AKAP6: variants seen among roughly 807,000 people sequenced by gnomAD.
AKAP6 encodes A-kinase anchor protein 6.
AKAP6 carries 58 observed loss-of-function variants against 188.5 expected under a neutral mutation model. That is an observed-to-expected ratio of 0.31 (90% CI 0.25 to 0.38). The LOEUF (loss-of-function observed/expected upper bound fraction) is 0.38, where lower values mean the gene tolerates loss of function less well. AKAP6 is among the 10% of genes least tolerant of loss of function. AKAP6 has a pLI of 1.00. For missense variants in AKAP6, 2,710 were observed against 2,740.0 expected (o/e 0.99, Z 0.24); for synonymous variants, 989 against 998.6 (o/e 0.99, Z 0.18).
intron 2 of AKAP6, among the ~76,000 whole-genome samples, chr14:32,472,494 T>C (rs1488365786): frequency 6.6e-6 from 1 of 152,194 alleles, no homozygotes; most frequent in East Asian, 1.9e-4. Context: ...TCATGGTCTT[T>C]AGCCACAGAA....
rs1432703781 is a variant in AKAP6 at position 32,545,263 on chromosome 14, T to G, written c.610T>G (p.Ser204Ala). ...RLDSLTEVDD[S>A]GQLTIKCSQN... ...TGATTCTCTAACAGAAGTGGATGAC[T>G]CAGGACAATTAACCATCAAATGTTC... The change falls in exon 4 of 14, where the codon TCA becomes GCA. Residue 204 changes from serine (S) to alanine (A), a missense_variant. Ser to Ala is a moderately conservative substitution (Grantham distance 99, BLOSUM62 1). Transcript: ENST00000280979. The G allele has an allele frequency of 6.2e-7, 1 of 1,614,102 alleles. No homozygotes were observed. The highest frequency in any genetic ancestry group is 2.2e-5 in the East Asian group (1 of 44,890).
intron 1 of AKAP6, among the ~76,000 whole-genome samples, chr14:32,332,567 T>A (rs1054257667): frequency 6.6e-6 from 1 of 152,154 alleles, no homozygotes; most frequent in Non-Finnish European, 1.5e-5. Context: ...ATGATGGAGT[T>A]GCACTCAAAG....
chr14:32,517,209 A>G (rs1416642564), intron 2 of AKAP6, among the ~76,000 whole-genome samples: 1 of 152,232 alleles, frequency 6.6e-6, no homozygotes, highest in Non-Finnish European at 1.5e-5. Flanking sequence ...TCCTTTATGA[A>G]TTTTACCTGT....
chr14:32,351,277 C>T (rs556948025), intron 1 of AKAP6, among the ~76,000 whole-genome samples: 1 of 152,146 alleles, frequency 6.6e-6, no homozygotes, highest in African/African-American at 2.4e-5. Context: ...AAAATTATTA[C>T]CTGGGCCAGG....
At chr14:32,606,500 T>C (rs1956220) in intron 7 of AKAP6, among the ~76,000 whole-genome samples, 47,055 of 152,100 alleles carry the variant, frequency 0.31, 8,745 homozygotes, top group East Asian at 0.73. Context: ...CCCTATGACT[T>C]ATCCAACCTT....
rs1566546770 is a variant in AKAP6, at chr14:32,510,445, T to TAC, written c.325-25108_325-25107insCA. Among the ~76,000 whole-genome samples, 16 of 22,686 alleles carry TAC rather than the reference T, an allele frequency of 7.1e-4. 1 individual carries two copies. The highest frequency in any genetic ancestry group is 3.2e-3 in the African/African-American group (16 of 4,962). The allele number at this position is 22,686 out of a possible 152,430, so 14.9% of individuals were successfully genotyped here. ...ATATACATATATATATGTGTATATA[T>TAC]ATATACATATATATGTGTATATATA... On this transcript the variant is annotated intron_variant, in intron 2 of 13. Transcript: ENST00000280979.
chr14:32,790,789 C>A (rs1218364945), intron 12 of AKAP6, among the ~76,000 whole-genome samples: 4 of 152,010 alleles, frequency 2.6e-5, no homozygotes, highest in African/African-American at 9.7e-5. Context: ...CCCTGGCAGA[C>A]CCCGATATGT....
chr14:32,488,401 A>G (rs564906710), intron 2 of AKAP6, among the ~76,000 whole-genome samples: 9 of 152,290 alleles, frequency 5.9e-5, no homozygotes, highest in African/African-American at 2.2e-4. Context: ...AGCATTGTCC[A>G]GGTGGATTTC....
At chr14:32,548,458 A>G (rs939951463) in intron 4 of AKAP6, among the ~76,000 whole-genome samples, 1 of 151,734 alleles carries the variant, frequency 6.6e-6, no homozygotes, top group Admixed American at 6.6e-5. Context: ...GAAGCAGGCC[A>G]TGCCAGATTA....
intron 4 of AKAP6, among the ~76,000 whole-genome samples, chr14:32,567,521 A>G (rs920432603): frequency 6.6e-6 from 1 of 152,184 alleles, no homozygotes; most frequent in African/African-American, 2.4e-5. Flanking sequence ...AACTCTTCAC[A>G]TGGAATTCCA....
At chr14:32,510,451 C>CATATATGTATATATATATACAT (rs1881181652) in intron 2 of AKAP6, among the ~76,000 whole-genome samples, 1 of 35,796 alleles carries the variant, frequency 2.8e-5, no homozygotes, top group African/African-American at 1.1e-4. Context: ...TATATATATA[C>CATATATGTATATATATATACAT]ATATATATGT....
rs567601265 is a variant in AKAP6, at chr14:32,422,124, T to A, written c.-34-11336T>A. 7.9e-5 allele frequency among the ~76,000 whole-genome samples: 12 copies of A among 152,284 alleles called. No individual in the cohort carries two copies. The East Asian group carries it at 2.3e-3, about 29-fold the overall frequency. ...GTTCTAGCTGATTTTTAAACATTTT[T>A]AAAAATCAAGATTAATCTTCTTAAC... is the stretch of plus-strand genomic sequence containing the variant. On this transcript the variant is annotated intron_variant, in intron 1 of 13. Transcript: ENST00000280979.
chr14:32,575,248 G>A (rs1420879689), intron 4 of AKAP6, among the ~76,000 whole-genome samples: 2 of 152,086 alleles, frequency 1.3e-5, no homozygotes, highest in East Asian at 1.9e-4. Context: ...GATAGGAGAA[G>A]GGGCAAAATG....
At chr14:32,621,599 C>A (rs547524638) in intron 7 of AKAP6, among the ~76,000 whole-genome samples, 8 of 152,092 alleles carry the variant, frequency 5.3e-5, no homozygotes, top group African/African-American at 1.9e-4. Context: ...ATCATATGGT[C>A]TATCTTGGAG....
At chr14:32,528,145 C>T (rs1411700440) in intron 2 of AKAP6, among the ~76,000 whole-genome samples, 3 of 152,106 alleles carry the variant, frequency 2.0e-5, no homozygotes, top group African/African-American at 7.2e-5. Flanking sequence ...AGGTCTATGT[C>T]TAGGATTATC....
chr14:32,532,797 A>G (rs548447017), intron 2 of AKAP6, among the ~76,000 whole-genome samples: 1 of 152,246 alleles, frequency 6.6e-6, no homozygotes, highest in South Asian at 2.1e-4. Flanking sequence ...GGGAGTGGAG[A>G]CTACTGCCAA....
chr14:32,343,746 C>CAAAAAAAA (rs56376110), intron 1 of AKAP6, among the ~76,000 whole-genome samples: 12 of 37,266 alleles, frequency 3.2e-4, no homozygotes, highest in South Asian at 1.7e-3. Flanking sequence ...GATTCCGTCT[C>CAAAAAAAA]AAAAAAAAAA....
intron 1 of AKAP6, among the ~76,000 whole-genome samples, chr14:32,368,839 G>A (rs1887916665): frequency 6.7e-6 from 1 of 150,096 alleles, no homozygotes; most frequent in Admixed American, 6.6e-5. Context: ...AATAATCCCT[G>A]CCCTCTTGAA....
chr14:32,824,736 A>T lies in AKAP6; in HGVS notation c.6923A>T (p.Asn2308Ile). The T allele has an allele frequency of 6.2e-7, 1 of 1,612,370 alleles. No homozygotes were observed. Among genetic ancestry groups the T allele is most frequent in the Non-Finnish European group, 8.5e-7 (1 of 1,179,500 alleles). ...TTAACCTGTGAAGAAAATCTTCTAA[A>T]CCTTCATGAAAAACGACATAGAAAT... ...KTLTCEENLL[N>I]LHEKRHRNMH... Residue 2308 changes from asparagine (N) to isoleucine (I), a missense_variant, in exon 13 of 14, where the codon AAC becomes ATC. By Grantham distance (149) the Asn-to-Ile change is moderately radical (BLOSUM62 -3). Transcript: ENST00000280979.
Sources: allele counts gnomAD v4.1 joint callset (sites outside exome capture counted in the v4.1 genomes callset), GRCh38; gene constraint gnomAD v4.1.1; transcripts MANE v1.5; gene names NCBI Gene and HGNC (gene_info 2026-07-23, HGNC 2026-07-21).